Variants in SPIN1 observed in about 807,000 individuals in gnomAD.
SPIN1 encodes the protein spindlin-1.
SPIN1 carries 3 observed loss-of-function variants against 26.0 expected under a neutral mutation model. The ratio of observed to expected loss-of-function variants is 0.12; its 90% CI spans 0.05 to 0.30. The LOEUF (loss-of-function observed/expected upper bound fraction) is 0.30, where lower values mean the gene tolerates loss of function less well. SPIN1 is among the 10% of genes least tolerant of loss of function. The pLI, the probability that SPIN1 is intolerant of heterozygous loss-of-function variation, is 1.00. For synonymous variants in SPIN1, 101 were observed against 116.5 expected (o/e 0.87, Z 0.86); for missense variants, 126 against 333.4 (o/e 0.38, Z 4.84).
At chr9:88,397,788 AT>A (rs1827098244) in intron 1 of SPIN1, among the ~76,000 whole-genome samples, 1 of 136,606 alleles carries the variant, frequency 7.3e-6, no homozygotes, top group Non-Finnish European at 1.6e-5. Context: ...TGCCTGGCTA[AT>A]TTTTTTGTAT....
intron 1 of SPIN1, among the ~76,000 whole-genome samples, chr9:88,416,992 T>C (rs899351116): frequency 6.6e-6 from 1 of 152,354 alleles, no homozygotes; most frequent in East Asian, 1.9e-4. Flanking sequence ...CTACCTGATA[T>C]CAAGATTTTA....
At chr9:88,440,903 T>G in intron 2 of SPIN1, among the ~76,000 whole-genome samples, 1 of 150,730 alleles carries the variant, frequency 6.6e-6, no homozygotes. Context: ...TTTCCCTCCC[T>G]TCCCCTCCCC....
chr9:88,436,191 AC>A (rs1827995217), intron 2 of SPIN1, among the ~76,000 whole-genome samples: 1 of 152,030 alleles, frequency 6.6e-6, no homozygotes. Flanking sequence ...TGCCTCAGCC[AC>A]CCGAGTAGCT....
Position 88,395,332 on chromosome 9 carries a change from CGTTCT to C in SPIN1, c.-159+6795_-159+6799del, listed in dbSNP as rs1564020506. Among the ~76,000 whole-genome samples, 250 of 110,800 alleles carry C rather than the reference CGTTCT, an allele frequency of 2.3e-3. 3 individuals carry two copies. The highest frequency in any genetic ancestry group is 9.6e-3 in the Middle Eastern group (2 of 208). 72.7% of individuals were successfully genotyped at this position (110,800 alleles called of 152,430 possible). ...TTTCCCTTTCCTACACAATAGGCAG[CGTTCT>C]ATGCACACTGCTCTGCCGTTCTATG... On this transcript the variant is annotated intron_variant, in intron 1 of 5. Transcript: ENST00000375859.
chr9:88,461,544 TTG>T (rs1828576673), intron 3 of SPIN1, among the ~76,000 whole-genome samples: 1 of 152,232 alleles, frequency 6.6e-6, no homozygotes, highest in African/African-American at 2.4e-5. Flanking sequence ...CTACAATAAA[TTG>T]TTTCTTTAAA....
At chr9:88,451,583 T>C (rs1044048316) in intron 3 of SPIN1, among the ~76,000 whole-genome samples, 5 of 152,206 alleles carry the variant, frequency 3.3e-5, no homozygotes, top group African/African-American at 1.2e-4. Context: ...TTTTGAAATA[T>C]GGAGTCTTGC....
intron 1 of SPIN1, chr9:88,389,377 A>C (rs1275865438): frequency 6.6e-6 from 1 of 152,298 alleles, no homozygotes; most frequent in South Asian, 2.1e-4. Flanking sequence ...CGAGCATTTT[A>C]TTGCATTGAT....
intron 1 of SPIN1, among the ~76,000 whole-genome samples, chr9:88,395,631 A>C (rs74349872): frequency 6.6e-6 from 1 of 151,986 alleles, no homozygotes; most frequent in Non-Finnish European, 1.5e-5. Flanking sequence ...AATTTTTTGT[A>C]GAGATGAGGT....
intron 1 of SPIN1, among the ~76,000 whole-genome samples, chr9:88,400,702 C>G (rs139862173): frequency 3.9e-5 from 6 of 152,222 alleles, no homozygotes; most frequent in Non-Finnish European, 7.4e-5. Flanking sequence ...AAAAATTAAG[C>G]GGATATCATG....
intron 5 of SPIN1, 67 bp from the exon 6 acceptor site, chr9:88,475,011 T>A (rs1828861942): frequency 1.5e-6 from 2 of 1,373,666 alleles, no homozygotes; most frequent in East Asian, 5.1e-5. Flanking sequence ...AGTTGATTTA[T>A]ATCTAAAAAT....
chr9:88,446,700 G>A (rs1313186286), intron 2 of SPIN1, among the ~76,000 whole-genome samples: 2 of 152,116 alleles, frequency 1.3e-5, no homozygotes, highest in African/African-American at 2.4e-5. Flanking sequence ...GAGCCACTGC[G>A]CCAGCCCGGC....
intron 2 of SPIN1, among the ~76,000 whole-genome samples, chr9:88,432,482 C>G (rs1209833888): frequency 1.4e-5 from 2 of 143,060 alleles, no homozygotes; most frequent in East Asian, 4.0e-4. Context: ...GCCACCCTGG[C>G]TCCTTTTTTT....
intron 1 of SPIN1, among the ~76,000 whole-genome samples, chr9:88,421,935 A>T (rs1162502051): frequency 3.3e-5 from 5 of 152,038 alleles, no homozygotes; most frequent in Non-Finnish European, 5.9e-5. Context: ...CGAGTATTTT[A>T]TAAGTGATAT....
intron 2 of SPIN1, among the ~76,000 whole-genome samples, chr9:88,428,566 T>A (rs1310650165): frequency 6.6e-6 from 1 of 152,224 alleles, no homozygotes; most frequent in Non-Finnish European, 1.5e-5. Context: ...TTTGAAATCA[T>A]CTTGTGAGGA....
At chr9:88,468,311 T>G (rs1047435808) in intron 4 of SPIN1, 61 bp from the exon 5 acceptor site, 15 of 1,276,892 alleles carry the variant, frequency 1.2e-5, no homozygotes, top group Non-Finnish European at 1.6e-5. Flanking sequence ...AAATTCAGTC[T>G]TCATAGTCGG....
intron 1 of SPIN1, among the ~76,000 whole-genome samples, chr9:88,401,974 A>G (rs1827196645): frequency 6.6e-6 from 1 of 152,148 alleles, no homozygotes; most frequent in Non-Finnish European, 1.5e-5. Flanking sequence ...TACCTGGAGC[A>G]TCCATCACCT....
intron 5 of SPIN1, among the ~76,000 whole-genome samples, chr9:88,474,334 C>T (rs1828848093): frequency 6.6e-6 from 1 of 151,968 alleles, no homozygotes; most frequent in Non-Finnish European, 1.5e-5. Flanking sequence ...TGATGGTTTG[C>T]TGTTTCTGTG....
At chr9:88,409,635 A>G (rs1827394420) in intron 1 of SPIN1, among the ~76,000 whole-genome samples, 1 of 151,730 alleles carries the variant, frequency 6.6e-6, no homozygotes, top group Non-Finnish European at 1.5e-5. Flanking sequence ...GGAGATGAAG[A>G]CTGTCCTGGC....
rs533832465 is a variant in SPIN1 at position 88,396,675 on chromosome 9, G to A, written c.-159+8137G>A. 3.9e-5 allele frequency among the ~76,000 whole-genome samples: 6 copies of A among 152,052 alleles called. No homozygotes were observed. The East Asian group carries it at 9.6e-4, about 24-fold the overall frequency. On this transcript the variant is annotated intron_variant, in intron 1 of 5. Transcript: ENST00000375859. Reference sequence around the variant, plus strand: ...CAAAAGTTTATAATGTAGCCTCAAGGGTACACATATAGTTGGTGTACATAT... The same window carrying A: ...CAAAAGTTTATAATGTAGCCTCAAGAGTACACATATAGTTGGTGTACATAT...
Sources: allele counts gnomAD v4.1 joint callset (sites outside exome capture counted in the v4.1 genomes callset), GRCh38; gene constraint gnomAD v4.1.1; transcripts MANE v1.5; gene names NCBI Gene and HGNC (gene_info 2026-07-23, HGNC 2026-07-21).